ICE2: variants seen among roughly 807,000 people sequenced by gnomAD.
ICE2 encodes interactor of little elongation complex ELL subunit 2, also known as little elongation complex subunit 2.
In ICE2, 87 loss-of-function variants were observed where a neutral mutation model predicts 105.4. That is an observed-to-expected ratio of 0.83 (90% CI 0.69 to 0.99). ICE2 has a LOEUF of 0.99. Among genes scored for constraint, ICE2 ranks in the 50% least tolerant of loss-of-function variants. The pLI is 0.00. For synonymous variants in ICE2, 399 were observed against 392.0 expected (o/e 1.02, Z -0.21); for missense variants, 1,323 against 1,146.7 (o/e 1.15, Z -2.22).
intron 12 of ICE2, chr15:60,441,880 G>C (rs897609335): frequency 6.6e-6 from 1 of 152,170 alleles, no homozygotes; most frequent in Non-Finnish European, 1.5e-5. Flanking sequence ...GGTTTTAAAA[G>C]TAGTGTCATT....
intron 5 of ICE2, 71 bp downstream of exon 5, chr15:60,466,523 C>T (rs2064432429): frequency 1.3e-6 from 2 of 1,551,194 alleles, no homozygotes; most frequent in Admixed American, 3.7e-5. Context: ...TTGGTGGAAT[C>T]ATCACATATT....
chr15:60,455,330 T>C lies in ICE2; in HGVS notation c.779A>G (p.His260Arg). The C allele has an allele frequency of 1.2e-6, 2 of 1,610,078 alleles. No homozygotes were observed. The highest frequency in any genetic ancestry group is 1.1e-5 in the South Asian group (1 of 90,908). The stretch of plus-strand genomic sequence containing the variant: ...CAATGTTGCCTTGGTACTTACATAA[T>C]GCATAGCTTCAGCTGTTTGTTCTGA... ...ETSEQTAEAM[H>R]YDISKDPNAE... The change falls in exon 7 of 16, where the codon CAT becomes CGT. Residue 260 changes from histidine (H) to arginine (R), a missense_variant. His to Arg is a conservative substitution (Grantham distance 29). Coordinates refer to ENST00000261520, the MANE Select transcript of ICE2 (RefSeq NM_024611.6).
intron 9 of ICE2, chr15:60,451,923 C>A: frequency 3.8e-6 from 1 of 262,358 alleles, no homozygotes; most frequent in East Asian, 1.8e-4. Flanking sequence ...AGTATCTCAG[C>A]CCTACAATTC....
chr15:60,458,413 G>A (rs2064185147), intron 5 of ICE2, among the ~76,000 whole-genome samples: 1 of 152,012 alleles, frequency 6.6e-6, no homozygotes, highest in African/African-American at 2.4e-5. Context: ...TTTATTTTGG[G>A]CTGGAAAGGA....
rs2063232237 is a variant in ICE2, at chr15:60,420,449, T to G, written c.*3185A>C. The G allele has an allele frequency of 6.6e-6, 1 of 152,218 alleles. No homozygotes were observed. The highest frequency in any genetic ancestry group is 1.5e-5 in the Non-Finnish European group (1 of 68,036). 9.4% of individuals were successfully genotyped at this position (152,218 alleles called of 1,614,324 possible). The stretch of plus-strand genomic sequence containing the variant: ...CCCAGCTCCATCGCATTCTCTAGAC[T>G]AATGCCAACAAGAGCCCTTTTCAAA... On this transcript the variant is annotated 3_prime_UTR_variant, in exon 16 of 16. Transcript: ENST00000261520.
At chr15:60,424,788 G>A (rs2063304992) in intron 15 of ICE2, among the ~76,000 whole-genome samples, 1 of 152,206 alleles carries the variant, frequency 6.6e-6, no homozygotes, top group Non-Finnish European at 1.5e-5. Flanking sequence ...TTATGGGCAT[G>A]AGCCACCGCG....
At chr15:60,437,047 G>A (rs2063609670) in intron 12 of ICE2, among the ~76,000 whole-genome samples, 1 of 151,964 alleles carries the variant, frequency 6.6e-6, no homozygotes, top group Non-Finnish European at 1.5e-5. Context: ...GAGGTCAGGA[G>A]TTCAAGACCA....
chr15:60,470,514 T>C (rs1312838546), intron 3 of ICE2, among the ~76,000 whole-genome samples: 1 of 152,188 alleles, frequency 6.6e-6, no homozygotes, highest in Non-Finnish European at 1.5e-5. Flanking sequence ...TGCAGTACTA[T>C]CCTGCATATT....
rs181081549 is a variant in ICE2 at position 60,465,453 on chromosome 15, C to T, written c.528+1141G>A. Among the ~76,000 whole-genome samples, 90 of 152,300 alleles carry T rather than the reference C, an allele frequency of 5.9e-4. 1 individual carries two copies. The highest frequency in any genetic ancestry group is 2.1e-3 in the African/African-American group (87 of 41,566). ...CCTTCTGCCTCGGCCTCCCAAAGGGCTGAAACAATAGGTGTGAGTCACCGT... is the reference window on the plus strand; with the variant it reads ...CCTTCTGCCTCGGCCTCCCAAAGGGTTGAAACAATAGGTGTGAGTCACCGT... On this transcript the variant is annotated intron_variant, in intron 5 of 15. Coordinates refer to ENST00000261520, the MANE Select transcript of ICE2 (RefSeq NM_024611.6).
Position 60,442,520 on chromosome 15 carries a change from T to C in ICE2, c.2321A>G (p.Lys774Arg). ...TCCATAACAAGCTTGATACTCTACT[T>C]TTGGTAGTACATAAACTGGAAATTG... ...RRQFPVYVLP[K>R]VEYQACYGVE... is the part of the protein sequence containing the mutation. Residue 774 changes from lysine (K) to arginine (R), a missense_variant, in exon 12 of 16, where the codon AAA becomes AGA. Lys to Arg is a conservative substitution (Grantham distance 26). Coordinates refer to ENST00000261520, the MANE Select transcript of ICE2 (RefSeq NM_024611.6). The C allele has an allele frequency of 6.3e-7, 1 of 1,578,318 alleles. No individual in the cohort carries two copies. The highest frequency in any genetic ancestry group is 8.5e-7 in the Non-Finnish European group (1 of 1,171,032).
chr15:60,468,080 T>C lies in ICE2; in HGVS notation c.389A>G (p.Asn130Ser), dbSNP rs752533411. ...ACATACCAAGTACTGCAAGTAGTCA[T>C]TTTTATTTATTCCAACAGCTTTGGA... ...ANSKAVGINK[N>S]DYLQYLDMKK... The change falls in exon 4 of 16, where the codon AAT becomes AGT. Residue 130 changes from asparagine (N) to serine (S), a missense_variant. Asn to Ser is a conservative substitution (Grantham distance 46). Transcript: ENST00000261520. The C allele has an allele frequency of 6.8e-6, 11 of 1,612,806 alleles. No individual in the cohort carries two copies. The highest frequency in any genetic ancestry group is 9.3e-6 in the Non-Finnish European group (11 of 1,179,400).
At chr15:60,451,104 T>A (rs2063955002) in intron 9 of ICE2, 1 of 781,610 alleles carries the variant, frequency 1.3e-6, no homozygotes, top group South Asian at 5.9e-5. Context: ...ATAGTGGTCA[T>A]AAATTTTTAT....
intron 4 of ICE2, among the ~76,000 whole-genome samples, chr15:60,466,981 AT>A (rs869052411): frequency 6.0e-5 from 9 of 150,804 alleles, no homozygotes; most frequent in East Asian, 1.9e-4. Flanking sequence ...GTCAAAAAAA[AT>A]TTTTTTTTTT....
chr15:60,479,047 A>G lies in ICE2; in HGVS notation c.-137T>C, dbSNP rs1183524456. 2.2e-6 allele frequency: 1 copy of G among 455,634 alleles called. No individual in the cohort carries two copies. Among genetic ancestry groups the G allele is most frequent in the Non-Finnish European group, 4.4e-6 (1 of 226,636 alleles). The allele number at this position is 455,634 out of a possible 1,614,324, so 28.2% of individuals were successfully genotyped here. A position where few individuals can be genotyped will look rare whatever the true frequency, so the allele number is the denominator to read the frequency against. Reference sequence around the variant, plus strand: ...CTTGCCCAGGCCGCAGCCACACACCACACACGCTCCACCCCACTCCTCACA... The same window carrying G: ...CTTGCCCAGGCCGCAGCCACACACCGCACACGCTCCACCCCACTCCTCACA... On this transcript the variant is annotated 5_prime_UTR_variant, in exon 1 of 16. Coordinates refer to ENST00000261520, the MANE Select transcript of ICE2 (RefSeq NM_024611.6).
intron 5 of ICE2, among the ~76,000 whole-genome samples, chr15:60,464,210 A>G (rs1318603461): frequency 6.6e-6 from 1 of 152,228 alleles, no homozygotes; most frequent in Non-Finnish European, 1.5e-5. Flanking sequence ...TTTATCATTT[A>G]TCATTAGCTA....
rs1303286225 is a variant in ICE2 at position 60,420,868 on chromosome 15, C to G, written c.*2766G>C. The G allele has an allele frequency of 6.6e-6, 1 of 152,172 alleles. No homozygotes were observed. Among genetic ancestry groups the G allele is most frequent in the Non-Finnish European group, 1.5e-5 (1 of 68,030 alleles). The allele number at this position is 152,172 out of a possible 1,614,324, so 9.4% of individuals were successfully genotyped here. On this transcript the variant is annotated 3_prime_UTR_variant, in exon 16 of 16. Transcript: ENST00000261520. Reference sequence around the variant, plus strand: ...AAAAAATCTTTGATACCTACACATTCATGCATCTAACTAATATCTGCTAAG... The same window carrying G: ...AAAAAATCTTTGATACCTACACATTGATGCATCTAACTAATATCTGCTAAG...
intron 7 of ICE2, 22 bp from the exon 8 acceptor site, chr15:60,455,184 G>C: frequency 1.3e-6 from 2 of 1,554,784 alleles, no homozygotes; most frequent in Non-Finnish European, 1.7e-6. Flanking sequence ...CAAGTAATTT[G>C]TTACTTGGTT....
At chr15:60,433,202 C>G (rs1395540647) in intron 13 of ICE2, among the ~76,000 whole-genome samples, 1 of 151,754 alleles carries the variant, frequency 6.6e-6, no homozygotes, top group African/African-American at 2.4e-5. Flanking sequence ...ATTCTCCTGC[C>G]TCAGCCTCCA....
At chr15:60,478,187 A>C (rs914315859) in intron 1 of ICE2, 118 bp from the exon 2 acceptor site, 2 of 581,212 alleles carry the variant, frequency 3.4e-6, no homozygotes, top group African/African-American at 1.9e-5. Flanking sequence ...CACCTAAAAC[A>C]GAATACAGCA....
Sources: gnomAD v4.1 joint callset for allele counts (sites outside exome capture counted in the v4.1 genomes callset) on GRCh38, gnomAD v4.1.1 for gene constraint, MANE v1.5 for transcripts, NCBI Gene and HGNC (gene_info 2026-07-23, HGNC 2026-07-21) for gene names.